The following OR5AS1 variants were observed in gnomAD, a reference collection of about 807,000 sequenced individuals.
OR5AS1 encodes olfactory receptor family 5 subfamily AS member 1.
For missense variants in OR5AS1, 492 were observed against 378.2 expected (o/e 1.30, Z -2.50); for synonymous variants, 196 against 141.7 (o/e 1.38, Z -2.72).
At chr11:56,029,089 C>A (rs1454274726) in intron 1 of OR5AS1, among the ~76,000 whole-genome samples, 1 of 152,020 alleles carries the variant, frequency 6.6e-6, no homozygotes, top group Non-Finnish European at 1.5e-5. Context: ...AGGCTGGCTT[C>A]TCTTTTCGGT....
rs185735910 is a variant in OR5AS1, at chr11:56,033,763, C to T, written c.*2370C>T. On this transcript the variant is annotated 3_prime_UTR_variant, in exon 2 of 2. Transcript: ENST00000641320. ...GAGAGCAGCATACCTCCCAGCACAT[C>T]GTTCAAGCTCTCCTAAGAGATAGAC... 2.0e-5 allele frequency: 3 copies of T among 152,268 alleles called. No homozygotes were observed. The highest frequency in any genetic ancestry group is 2.1e-4 in the South Asian group (1 of 4,832). The allele number at this position is 152,268 out of a possible 1,614,324, so 9.4% of individuals were successfully genotyped here.
chr11:56,030,434 T>C lies in OR5AS1; in HGVS notation c.16T>C (p.Tyr6His), dbSNP rs2134691625. The C allele has an allele frequency of 2.7e-6, 4 of 1,484,096 alleles. No homozygotes were observed. The highest frequency in any genetic ancestry group is 3.6e-6 in the Non-Finnish European group (4 of 1,116,674). 91.9% of individuals were successfully genotyped at this position (1,484,096 alleles called of 1,614,324 possible). Residue 6 changes from tyrosine (Y) to histidine (H), a missense_variant, in exon 2 of 2, where the codon TAC becomes CAC. By Grantham distance (83) the Tyr-to-His change is moderately conservative. Transcript: ENST00000641320. Reference sequence around the variant, plus strand: ...GAAAACTAAGATGTTGGAGAGTAATTACACCATGCCAACTGAGTTCCTATT... The same window carrying C: ...GAAAACTAAGATGTTGGAGAGTAATCACACCATGCCAACTGAGTTCCTATT... MLESN[Y>H]TMPTEFLFVG...
Position 56,034,545 on chromosome 11 carries a change from G to A in OR5AS1, c.*3152G>A, listed in dbSNP as rs1177069189. Reference sequence around the variant, plus strand: ...AGATCAACTTAATGAAATAAAGCTTGAAGACAAGATTAGAGAAAAAAGAAT... The same window carrying A: ...AGATCAACTTAATGAAATAAAGCTTAAAGACAAGATTAGAGAAAAAAGAAT... On this transcript the variant is annotated 3_prime_UTR_variant, in exon 2 of 2. Coordinates refer to ENST00000641320, the MANE Select transcript of OR5AS1 (RefSeq NM_001001921.2). The A allele has an allele frequency of 6.6e-6, 1 of 152,052 alleles. No individual in the cohort carries two copies. The highest frequency in any genetic ancestry group is 1.5e-5 in the Non-Finnish European group (1 of 68,026). The allele number at this position is 152,052 out of a possible 1,614,324, so 9.4% of individuals were successfully genotyped here.
rs61889984 is a variant in OR5AS1, at chr11:56,033,775, C to G, written c.*2382C>G. ...CCTCCCAGCACATCGTTCAAGCTCT[C>G]CTAAGAGATAGACTCCTGCATCAAG... On this transcript the variant is annotated 3_prime_UTR_variant, in exon 2 of 2. Coordinates refer to ENST00000641320, the MANE Select transcript of OR5AS1 (RefSeq NM_001001921.2). 0.06 allele frequency: 9,169 copies of G among 152,272 alleles called. 381 individuals are homozygous for G. Among genetic ancestry groups the G allele is most frequent in the Non-Finnish European group, 0.084 (5,733 of 68,114 alleles). The allele number at this position is 152,272 out of a possible 1,614,324, so 9.4% of individuals were successfully genotyped here.
At position 56,035,878 on chromosome 11, in the gene OR5AS1, T is replaced by C. The variant is rs1346961845; in HGVS notation, c.*4485T>C. On this transcript the variant is annotated 3_prime_UTR_variant, in exon 2 of 2. Transcript: ENST00000641320. ...GCATTTATTCTAAAATTGACCACAA[T>C]ATTGCAAGTAAAATACTCCTCAGCA... 2 of 151,968 alleles carry C rather than the reference T, an allele frequency of 1.3e-5. No homozygotes were observed. Among genetic ancestry groups the C allele is most frequent in the African/African-American group, 4.8e-5 (2 of 41,324 alleles). The allele number at this position is 151,968 out of a possible 1,614,324, so 9.4% of individuals were successfully genotyped here.
chr11:56,031,759 G>C lies in OR5AS1; in HGVS notation c.*366G>C, dbSNP rs1024849122. 2.4e-5 allele frequency: 4 copies of C among 167,462 alleles called. No homozygotes were observed. The highest frequency in any genetic ancestry group is 9.6e-5 in the African/African-American group (4 of 41,606). 10.4% of individuals were successfully genotyped at this position (167,462 alleles called of 1,614,324 possible). A position where few individuals can be genotyped will look rare whatever the true frequency, so the allele number is the denominator to read the frequency against. On this transcript the variant is annotated 3_prime_UTR_variant, in exon 2 of 2. Coordinates refer to ENST00000641320, the MANE Select transcript of OR5AS1 (RefSeq NM_001001921.2). ...TTTTCCACCACCTGTTTGGCACCTG[G>C]TATACTGCATGTCTTCCTTATCTGT...
chr11:56,035,361 C>T lies in OR5AS1; in HGVS notation c.*3968C>T, dbSNP rs541661913. ...TCAAGACCGATTGGTGTGCTGTATT[C>T]AGGAGACCGATCTCATGTGCAAAGC... On this transcript the variant is annotated 3_prime_UTR_variant, in exon 2 of 2. Transcript: ENST00000641320. The T allele has an allele frequency of 1.3e-5, 2 of 151,918 alleles. No homozygotes were observed. The highest frequency in any genetic ancestry group is 1.3e-4 in the Admixed American group (2 of 15,260). 9.4% of individuals were successfully genotyped at this position (151,918 alleles called of 1,614,324 possible).
In OR5AS1 at chr11:56,033,914, G is replaced by A. The variant is rs949030869; in HGVS notation, c.*2521G>A. On this transcript the variant is annotated 3_prime_UTR_variant, in exon 2 of 2. Coordinates refer to ENST00000641320, the MANE Select transcript of OR5AS1 (RefSeq NM_001001921.2). ...CTCACAGGTGTGCCTCTAGGATGAA[G>A]CTTCCAAAGGAAGGAACGGGCAGCA... The A allele has an allele frequency of 1.3e-5, 2 of 152,214 alleles. No homozygotes were observed. The highest frequency in any genetic ancestry group is 4.8e-5 in the African/African-American group (2 of 41,390). The allele number at this position is 152,214 out of a possible 1,614,324, so 9.4% of individuals were successfully genotyped here.
chr11:56,028,580 C>T (rs771410583), intron 1 of OR5AS1, among the ~76,000 whole-genome samples: 7 of 152,022 alleles, frequency 4.6e-5, no homozygotes, highest in Non-Finnish European at 8.8e-5. Flanking sequence ...CCAGTGGGGT[C>T]CAACTCATTT....
rs1238758757 is a variant in OR5AS1, at chr11:56,031,652, T to TTGAA, written c.*260_*263dup. 1.1e-5 allele frequency: 3 copies of TTGAA among 270,148 alleles called. No homozygotes were observed. The highest frequency in any genetic ancestry group is 6.6e-5 in the African/African-American group (3 of 45,234). 16.7% of individuals were successfully genotyped at this position (270,148 alleles called of 1,614,324 possible). Reference sequence around the variant, plus strand: ...TGATTCTGTTCTTTACGATGTTGTATTGAAGGTAAATATTGACTTTTCAGT... The same window carrying TTGAA: ...TGATTCTGTTCTTTACGATGTTGTATTGAATGAAGGTAAATATTGACTTTTCAGT... On this transcript the variant is annotated 3_prime_UTR_variant, in exon 2 of 2. Coordinates refer to ENST00000641320, the MANE Select transcript of OR5AS1 (RefSeq NM_001001921.2).
intron 1 of OR5AS1, among the ~76,000 whole-genome samples, chr11:56,028,436 A>C (rs1445559979): frequency 6.6e-6 from 1 of 152,132 alleles, no homozygotes; most frequent in African/African-American, 2.4e-5. Flanking sequence ...GCCATTTGTA[A>C]AGAAAAGATT....
intron 1 of OR5AS1, among the ~76,000 whole-genome samples, chr11:56,029,527 A>G (rs1176710706): frequency 8.5e-6 from 1 of 117,354 alleles, no homozygotes; most frequent in African/African-American, 3.3e-5. Context: ...ACATTTGTAT[A>G]TAGCACACAC....
chr11:56,030,060 C>T (rs1853331301), intron 1 of OR5AS1, among the ~76,000 whole-genome samples: 1 of 152,024 alleles, frequency 6.6e-6, no homozygotes, highest in African/African-American at 2.4e-5. Context: ...AAAGATTTTG[C>T]CAACTCTCAT....
Position 56,030,437 on chromosome 11 carries a change from A to G in OR5AS1, c.19A>G (p.Thr7Ala). Reference protein sequence around the residue: MLESNYTMPTEFLFVGF... With the variant: MLESNYAMPTEFLFVGF... ...AACTAAGATGTTGGAGAGTAATTAC[A>G]CCATGCCAACTGAGTTCCTATTTGT... Residue 7 changes from threonine to alanine, a missense_variant, in exon 2 of 2, where the codon ACC (threonine) becomes GCC (alanine). Physicochemically the swap from Thr to Ala is moderately conservative, Grantham distance 58. Transcript: ENST00000641320. 6.7e-7 allele frequency: 1 copy of G among 1,487,474 alleles called. No individual in the cohort carries two copies. The highest frequency in any genetic ancestry group is 8.9e-7 in the Non-Finnish European group (1 of 1,118,414). The allele number at this position is 1,487,474 out of a possible 1,614,324, so 92.1% of individuals were successfully genotyped here.
chr11:56,037,908 G>C lies in OR5AS1; in HGVS notation c.*6515G>C, dbSNP rs1441371657. 6.6e-6 allele frequency: 1 copy of C among 152,048 alleles called. No homozygotes were observed. Among genetic ancestry groups the C allele is most frequent in the Non-Finnish European group, 1.5e-5 (1 of 68,032 alleles). The allele number at this position is 152,048 out of a possible 1,614,324, so 9.4% of individuals were successfully genotyped here. Reference sequence around the variant, plus strand: ...CAGTAATAAAAACAGTATGGTCCTGGTACCAAAGCAGATATATAGACCAAT... The same window carrying C: ...CAGTAATAAAAACAGTATGGTCCTGCTACCAAAGCAGATATATAGACCAAT... On this transcript the variant is annotated 3_prime_UTR_variant, in exon 2 of 2. Transcript: ENST00000641320.
chr11:56,035,803 AACTCTACAC>A lies in OR5AS1; in HGVS notation c.*4411_*4419del, dbSNP rs1211308364. On this transcript the variant is annotated 3_prime_UTR_variant, in exon 2 of 2. Transcript: ENST00000641320. ...AAGCAGACCTAATAGACCTCTACAG[AACTCTACAC>A]CCCAAATCAATAGAATATACATTAT... is the stretch of plus-strand genomic sequence containing the variant. The A allele has an allele frequency of 1.3e-5, 2 of 152,082 alleles. No individual in the cohort carries two copies. The highest frequency in any genetic ancestry group is 2.4e-5 in the African/African-American group (1 of 41,352). The allele number at this position is 152,082 out of a possible 1,614,324, so 9.4% of individuals were successfully genotyped here. A position where few individuals can be genotyped will look rare whatever the true frequency, so the allele number is the denominator to read the frequency against.
In OR5AS1 at chr11:56,036,652, C is replaced by CA. The variant is rs1416043592; in HGVS notation, c.*5265dup. On this transcript the variant is annotated 3_prime_UTR_variant, in exon 2 of 2. Coordinates refer to ENST00000641320, the MANE Select transcript of OR5AS1 (RefSeq NM_001001921.2). ...GAGGCAGTAATTAATAGCCTACCAA[C>CA]AAAAAATAGTCCAGGACCAGCCAAA... The CA allele has an allele frequency of 6.6e-6, 1 of 151,984 alleles. No individual in the cohort carries two copies. The highest frequency in any genetic ancestry group is 1.5e-5 in the Non-Finnish European group (1 of 68,008). The allele number at this position is 151,984 out of a possible 1,614,324, so 9.4% of individuals were successfully genotyped here.
Position 56,034,697 on chromosome 11 carries a change from C to A in OR5AS1, c.*3304C>A, listed in dbSNP as rs1590707833. 1 of 152,094 alleles carries A rather than the reference C, an allele frequency of 6.6e-6. No homozygotes were observed. The highest frequency in any genetic ancestry group is 6.6e-5 in the Admixed American group (1 of 15,266). The allele number at this position is 152,094 out of a possible 1,614,324, so 9.4% of individuals were successfully genotyped here. ...ACTTGGAAAACACTCTTCAGGATAT[C>A]ATCCAGGAGAAACTCCCCAACCTAA... On this transcript the variant is annotated 3_prime_UTR_variant, in exon 2 of 2. Coordinates refer to ENST00000641320, the MANE Select transcript of OR5AS1 (RefSeq NM_001001921.2).
Position 56,031,485 on chromosome 11 carries a change from A to T in OR5AS1, c.*92A>T. The T allele has an allele frequency of 1.0e-6, 1 of 971,204 alleles. No homozygotes were observed. Among genetic ancestry groups the T allele is most frequent in the Non-Finnish European group, 1.5e-6 (1 of 658,192 alleles). 60.2% of individuals were successfully genotyped at this position (971,204 alleles called of 1,614,324 possible). A position where few individuals can be genotyped will look rare whatever the true frequency, so the allele number is the denominator to read the frequency against. The stretch of plus-strand genomic sequence containing the variant: ...TTATCACATTTTCAGAAATAAAGAT[A>T]ACTTGTTATACTCAGTGCATTAAAA... On this transcript the variant is annotated 3_prime_UTR_variant, in exon 2 of 2. Coordinates refer to ENST00000641320, the MANE Select transcript of OR5AS1 (RefSeq NM_001001921.2).
Sources: allele counts gnomAD v4.1 joint callset (sites outside exome capture counted in the v4.1 genomes callset), GRCh38; gene constraint gnomAD v4.1.1; transcripts MANE v1.5; gene names NCBI Gene and HGNC (gene_info 2026-07-23, HGNC 2026-07-21).